Variants in MMS22L observed in about 807,000 individuals in gnomAD.
The protein encoded by MMS22L is MMS22 like, DNA repair protein, also known as protein MMS22-like.
A neutral mutation model predicts 159.1 loss-of-function variants in MMS22L; 74 were observed. The ratio of observed to expected loss-of-function variants is 0.47; its 90% CI spans 0.39 to 0.56. MMS22L has a LOEUF of 0.56. Among genes scored for constraint, MMS22L ranks in the 20% least tolerant of loss-of-function variants. The pLI, the probability that MMS22L is intolerant of heterozygous loss-of-function variation, is 0.00. For missense variants in MMS22L, 1,351 were observed against 1,422.1 expected, an observed-to-expected ratio of 0.95 and a Z score of 0.80; for synonymous variants, 517 against 506.9, an observed-to-expected ratio of 1.02 and a Z score of -0.27.
chr6:97,172,968 G>A (rs2128256019), intron 19 of MMS22L, 95 bp downstream of exon 19: 1 of 1,141,978 alleles, frequency 8.8e-7, no homozygotes, highest in Non-Finnish European at 1.2e-6. Context: ...ATTGTATGGA[G>A]GGTAGTGATT....
rs1003972303 is a variant in MMS22L, at chr6:97,283,216, G to A, written c.-197C>T. The A allele has an allele frequency of 6.6e-5, 10 of 152,320 alleles. No individual in the cohort carries two copies. The highest frequency in any genetic ancestry group is 3.9e-4 in the Admixed American group (6 of 15,292). 9.4% of individuals were successfully genotyped at this position (152,320 alleles called of 1,614,324 possible). On this transcript the variant is annotated 5_prime_UTR_variant, in exon 1 of 25. Coordinates refer to ENST00000683635, the MANE Select transcript of MMS22L (RefSeq NM_001350599.2). ...CCACCGCGCGCCCGCGCTCCGGAAAGGCGGGGCCACGGCGCAGCCCTCCCC... is the reference window on the plus strand; with the variant it reads ...CCACCGCGCGCCCGCGCTCCGGAAAAGCGGGGCCACGGCGCAGCCCTCCCC...
rs1269740454 is a variant in MMS22L at position 97,150,030 on chromosome 6, A to G, written c.3483-10T>C. On this transcript the variant is annotated splice_polypyrimidine_tract_variant and intron_variant, in intron 23 of 24. Transcript: ENST00000683635. ...ATCCTGGATAAACTGCCTGAAAGTA[A>G]AACAGGTTTATTTAGGATTACTCCT... 27 of 1,611,866 alleles carry G rather than the reference A, an allele frequency of 1.7e-5. No individual in the cohort carries two copies. The highest frequency in any genetic ancestry group is 2.7e-5 in the African/African-American group (2 of 74,850).
At chr6:97,182,184 G>A in intron 15 of MMS22L, 130 bp from the exon 16 acceptor site, 1 of 724,954 alleles carries the variant, frequency 1.4e-6, no homozygotes, top group South Asian at 2.2e-5. Context: ...GTTCTACTTA[G>A]AAATGTAGAG....
At chr6:97,168,005 C>G (rs1582435248) in intron 20 of MMS22L, 66 bp downstream of exon 20, 1 of 1,333,142 alleles carries the variant, frequency 7.5e-7, no homozygotes, top group East Asian at 2.4e-5. Context: ...ATTTAGTAAA[C>G]TATGTTTTTA....
In MMS22L at chr6:97,165,265, A is replaced by G. The variant is rs775145286; in HGVS notation, c.3202T>C (p.Cys1068Arg). The G allele has an allele frequency of 2.5e-6, 4 of 1,612,904 alleles. No homozygotes were observed. In the Admixed American group the frequency reaches 5.0e-5, roughly 20 times the overall value. ...TIPPISSLKK[C>R]IVQVIRKSYL... ...ATGTACCTTATGACTTGCACAATGC[A>G]TTTCTTTAGAGATGATATTGGTGGA... The change falls in exon 21 of 25, where the codon TGC (cysteine) becomes CGC (arginine). Residue 1068 changes from cysteine to arginine, a missense_variant. By Grantham distance (180) the Cys-to-Arg change is radical (BLOSUM62 -3). Coordinates refer to ENST00000683635, the MANE Select transcript of MMS22L (RefSeq NM_001350599.2).
intron 15 of MMS22L, among the ~76,000 whole-genome samples, chr6:97,184,877 A>T (rs1805064581): frequency 6.6e-6 from 1 of 152,152 alleles, no homozygotes; most frequent in Non-Finnish European, 1.5e-5. Flanking sequence ...ATCTCAGAGT[A>T]AAACCAAAAG....
At chr6:97,203,868 T>C (rs1332365972) in intron 14 of MMS22L, among the ~76,000 whole-genome samples, 4 of 152,270 alleles carry the variant, frequency 2.6e-5, no homozygotes, top group South Asian at 2.1e-4. Flanking sequence ...GGCTAAATTT[T>C]CCCCCACAAT....
At chr6:97,173,371 T>C (rs540414103) in intron 18 of MMS22L, 149 bp from the exon 19 acceptor site, 3 of 632,624 alleles carry the variant, frequency 4.7e-6, no homozygotes, top group Admixed American at 3.7e-5. Flanking sequence ...TAAAGAGACA[T>C]AGGAATTAAA....
At chr6:97,259,711 A>G (rs1298951028) in intron 9 of MMS22L, 1 of 151,464 alleles carries the variant, frequency 6.6e-6, no homozygotes, top group Non-Finnish European at 1.5e-5. Context: ...ATATATATAT[A>G]TATCTATATA....
Position 97,231,473 on chromosome 6 carries a change from T to A in MMS22L, c.1482A>T (p.Lys494Asn). ...FLCILAKVVK[K>N]AMKSNGPHPW... ...GATGAGGGCCATTGCTCTTCATTGC[T>A]TTTTTAACAACTTTTGCCAGAATAC... Residue 494 changes from lysine to asparagine, a missense_variant, in exon 13 of 25, where the codon AAA becomes AAT. Transcript: ENST00000683635. 1 of 1,613,562 alleles carries A rather than the reference T, an allele frequency of 6.2e-7. No individual in the cohort carries two copies. Among genetic ancestry groups the A allele is most frequent in the South Asian group, 1.1e-5 (1 of 91,052 alleles).
intron 4 of MMS22L, among the ~76,000 whole-genome samples, chr6:97,273,728 C>T (rs888637703): frequency 6.6e-6 from 1 of 152,112 alleles, no homozygotes; most frequent in African/African-American, 2.4e-5. Flanking sequence ...TTCCTTTAAC[C>T]TCGTATCTAA....
At chr6:97,255,511 T>C (rs1432587246) in intron 9 of MMS22L, among the ~76,000 whole-genome samples, 3 of 152,126 alleles carry the variant, frequency 2.0e-5, no homozygotes, top group South Asian at 2.1e-4. Flanking sequence ...TTCATTCCTT[T>C]TACCTTCTTT....
chr6:97,165,186 AT>A, intron 21 of MMS22L, 59 bp downstream of exon 21: 1 of 1,474,106 alleles, frequency 6.8e-7, no homozygotes, highest in Non-Finnish European at 9.4e-7. Context: ...ATGCCACTTT[AT>A]CACTTTAATA....
intron 18 of MMS22L, among the ~76,000 whole-genome samples, chr6:97,174,579 C>CTTGGGAGAATGT (rs1803936422): frequency 1.3e-5 from 2 of 152,180 alleles, no homozygotes; most frequent in African/African-American, 4.8e-5. Context: ...GAAGTGAGGC[C>CTTGGGAGAATGT]TTGGGAGAAT....
chr6:97,260,529 G>T, intron 9 of MMS22L: 1 of 151,870 alleles, frequency 6.6e-6, no homozygotes, highest in East Asian at 1.9e-4. Context: ...TCCATCCCCG[G>T]TTTTCTGTCC....
intron 15 of MMS22L, among the ~76,000 whole-genome samples, chr6:97,184,397 T>G (rs1266279568): frequency 1.3e-5 from 2 of 152,134 alleles, no homozygotes; most frequent in East Asian, 3.8e-4. Flanking sequence ...ATATGGATGC[T>G]TTCCAACTTC....
intron 14 of MMS22L, among the ~76,000 whole-genome samples, chr6:97,218,199 ACCT>A (rs1441892694): frequency 6.6e-6 from 1 of 152,086 alleles, no homozygotes; most frequent in Non-Finnish European, 1.5e-5. Context: ...GGAAGAACAA[ACCT>A]CCTATCATCC....
Position 97,233,148 on chromosome 6 carries a change from CTG to C in MMS22L, c.1302+711_1302+712del, listed in dbSNP as rs1811047444. Among the ~76,000 whole-genome samples, 3 of 152,110 alleles carry C rather than the reference CTG, an allele frequency of 2.0e-5. No homozygotes were observed. In the South Asian group the frequency reaches 6.2e-4, roughly 32 times the overall value. ...TGTCTCCTGAATAAACCAGAATTAA[CTG>C]TACATTATCTTCAACCCTTCATAGC... On this transcript the variant is annotated intron_variant, in intron 12 of 24. Transcript: ENST00000683635.
chr6:97,225,978 T>C (rs900358840), intron 14 of MMS22L, among the ~76,000 whole-genome samples: 2 of 152,198 alleles, frequency 1.3e-5, no homozygotes, highest in African/African-American at 4.8e-5. Context: ...ACTGGTACAA[T>C]GGGTTTTTTT....
Sources: allele counts gnomAD v4.1 joint callset (sites outside exome capture counted in the v4.1 genomes callset), GRCh38; gene constraint gnomAD v4.1.1; transcripts MANE v1.5; gene names NCBI Gene and HGNC (gene_info 2026-07-23, HGNC 2026-07-21).